G6PC1: variants seen among roughly 807,000 people sequenced by gnomAD.
G6PC1 encodes glucose-6-phosphatase catalytic subunit 1, also known as G-6-Pase.
In G6PC1, 23 loss-of-function variants were observed where a neutral mutation model predicts 30.4. The ratio of observed to expected loss-of-function variants is 0.76; its 90% CI spans 0.55 to 1.07. The LOEUF (loss-of-function observed/expected upper bound fraction) is 1.07, where lower values mean the gene tolerates loss of function less well. G6PC1 is among the 50% of genes least tolerant of loss of function. G6PC1 has a pLI of 0.00. For synonymous variants in G6PC1, 163 were observed against 175.6 expected (o/e 0.93, Z 0.57); for missense variants, 391 against 433.9 (o/e 0.90, Z 0.88).
chr17:42,903,071 G>T, intron 1 of G6PC1, among the ~76,000 whole-genome samples: 1 of 149,910 alleles, frequency 6.7e-6, no homozygotes, highest in African/African-American at 2.5e-5. Context: ...CCATTTTATG[G>T]ATTTCAGGAT....
In G6PC1 at chr17:42,910,895, T is replaced by C. The variant is rs773267957; in HGVS notation, c.563-20T>C. 6.8e-6 allele frequency: 11 copies of C among 1,613,638 alleles called. No homozygotes were observed. The highest frequency in any genetic ancestry group is 1.1e-5 in the South Asian group (1 of 91,082). On this transcript the variant is annotated intron_variant, in intron 4 of 4. Coordinates refer to ENST00000253801, the MANE Select transcript of G6PC1 (RefSeq NM_000151.4). ...CCCAAATCCTTCCTATCTCTCACAG[T>C]CATGCTTTCTTCCACTCAGGCATTG...
intron 3 of G6PC1, 72 bp from the exon 4 acceptor site, chr17:42,909,229 ATT>A (rs2056080749): frequency 2.6e-6 from 3 of 1,136,470 alleles, no homozygotes; most frequent in African/African-American, 3.0e-5. Context: ...AGGCTCCAAC[ATT>A]TCTGCAGGGG....
chr17:42,906,127 G>A (rs2056060965), intron 2 of G6PC1, among the ~76,000 whole-genome samples: 1 of 151,756 alleles, frequency 6.6e-6, no homozygotes, highest in Non-Finnish European at 1.5e-5. Context: ...AGGGAGGAAG[G>A]AAGGGAGAAA....
chr17:42,903,954 A>G lies in G6PC1; in HGVS notation c.254A>G (p.Tyr85Cys), dbSNP rs1022981580. The G allele has an allele frequency of 6.2e-7, 1 of 1,613,312 alleles. No individual in the cohort carries two copies. Among genetic ancestry groups the G allele is most frequent in the African/African-American group, 1.3e-5 (1 of 74,892 alleles). ...AGGATTCTCTTTGGACAGCGTCCAT[A>G]CTGGTGGGTTTTGGATACTGACTAC... The part of the protein sequence containing the change: ...FKWILFGQRP[Y>C]WWVLDTDYYS... The change falls in exon 2 of 5, where the codon TAC (tyrosine) becomes TGC (cysteine). Residue 85 changes from tyrosine (Y) to cysteine (C), a missense_variant. By Grantham distance (194) the Tyr-to-Cys change is radical (BLOSUM62 -2). Transcript: ENST00000253801.
intron 4 of G6PC1, 97 bp downstream of exon 4, chr17:42,909,515 G>A (rs1295691557): frequency 9.2e-6 from 8 of 871,794 alleles, no homozygotes; most frequent in Non-Finnish European, 1.6e-5. Flanking sequence ...CACATCCTGT[G>A]TGTAATCAGT....
At chr17:42,904,996 C>G (rs1360695035) in intron 2 of G6PC1, among the ~76,000 whole-genome samples, 2 of 151,832 alleles carry the variant, frequency 1.3e-5, no homozygotes, top group Non-Finnish European at 2.9e-5. Context: ...CCTGTAGTCT[C>G]AGCTACCTGG....
chr17:42,907,417 G>T (rs562114168), intron 2 of G6PC1, 106 bp from the exon 3 acceptor site: 3 of 745,878 alleles, frequency 4.0e-6, no homozygotes, highest in Admixed American at 2.0e-5. Flanking sequence ...TGGATGAATG[G>T]GTAGATGGGT....
chr17:42,904,282 T>G, intron 2 of G6PC1: 1 of 492,094 alleles, frequency 2.0e-6, no homozygotes, highest in East Asian at 4.0e-5. Context: ...GGCAAAGGGC[T>G]CGTGAGAGTC....
At chr17:42,907,450 C>A in intron 2 of G6PC1, 73 bp from the exon 3 acceptor site, 1 of 994,724 alleles carries the variant, frequency 1.0e-6, no homozygotes, top group Non-Finnish European at 1.6e-6. Context: ...GGCTGGGTGG[C>A]TGGGTAGATG....
intron 3 of G6PC1, 32 bp downstream of exon 3, chr17:42,907,660 G>T (rs771236645): frequency 1.4e-6 from 2 of 1,436,794 alleles, no homozygotes; most frequent in Non-Finnish European, 2.0e-6. Context: ...GTAGGTGGTG[G>T]AGGGCAGGAG....
At chr17:42,902,465 G>T (rs761049939) in intron 1 of G6PC1, among the ~76,000 whole-genome samples, 3 of 152,236 alleles carry the variant, frequency 2.0e-5, no homozygotes, top group Middle Eastern at 3.4e-3. Flanking sequence ...TGACTAGGCT[G>T]GTCTCGAACT....
At position 42,911,397 on chromosome 17, in the gene G6PC1, C is replaced by G. The variant is rs1357472580; in HGVS notation, c.1045C>G (p.Leu349Val). The G allele has an allele frequency of 1.2e-6, 2 of 1,614,202 alleles. No homozygotes were observed. Among genetic ancestry groups the G allele is most frequent in the East Asian group, 4.5e-5 (2 of 44,890 alleles). The change falls in exon 5 of 5, where the codon CTG becomes GTG. Residue 349 changes from leucine to valine, a missense_variant. Physicochemically the swap from Leu to Val is conservative, Grantham distance 32 (BLOSUM62 1). Coordinates refer to ENST00000253801, the MANE Select transcript of G6PC1 (RefSeq NM_000151.4). ...CATCCCCTACTGCCTCGCCCAGGTC[C>G]TGGGCCAGCCGCACAAGAAGTCGTT... ...SVIPYCLAQV[L>V]GQPHKKSL
At chr17:42,902,140 C>G (rs1016803856) in intron 1 of G6PC1, among the ~76,000 whole-genome samples, 1 of 152,126 alleles carries the variant, frequency 6.6e-6, no homozygotes, top group African/African-American at 2.4e-5. Flanking sequence ...TATGTTACGT[C>G]CAGTGCTGAT....
intron 2 of G6PC1, among the ~76,000 whole-genome samples, chr17:42,905,441 T>TACAC (rs1475508893): frequency 1.5e-4 from 16 of 103,286 alleles, no homozygotes; most frequent in African/African-American, 5.0e-4. Flanking sequence ...TATATATATA[T>TACAC]ATACACACAC....
In G6PC1 at chr17:42,911,763, T is replaced by G. The variant is rs2056098216; in HGVS notation, c.*337T>G. On this transcript the variant is annotated 3_prime_UTR_variant, in exon 5 of 5. Transcript: ENST00000253801. The stretch of plus-strand genomic sequence containing the variant: ...AACAGCCCATTTTATCTTTGAATGG[T>G]CTTCTGCCAGCCCATTTTGAGGCCA... 1 of 379,336 alleles carries G rather than the reference T, an allele frequency of 2.6e-6. No individual in the cohort carries two copies. Among genetic ancestry groups the G allele is most frequent in the African/African-American group, 2.1e-5 (1 of 48,456 alleles). The allele number at this position is 379,336 out of a possible 1,614,324, so 23.5% of individuals were successfully genotyped here. A position where few individuals can be genotyped will look rare whatever the true frequency, so the allele number is the denominator to read the frequency against.
chr17:42,902,519 G>T (rs1265213820), intron 1 of G6PC1, among the ~76,000 whole-genome samples: 1 of 152,128 alleles, frequency 6.6e-6, no homozygotes, highest in Non-Finnish European at 1.5e-5. Flanking sequence ...TAAGTGCTAG[G>T]ATTACAGGCG....
rs1407981466 is a variant in G6PC1, at chr17:42,913,982, G to C, written c.*2556G>C. ...CGCTATTTCACACCTGAACTCCGGA[G>C]TCTGTATATTCAGGGAAGATTGCAT... On this transcript the variant is annotated 3_prime_UTR_variant, in exon 5 of 5. Transcript: ENST00000253801. Among the ~76,000 whole-genome samples, 1 of 152,182 alleles carries C rather than the reference G, an allele frequency of 6.6e-6. No individual in the cohort carries two copies. The highest frequency in any genetic ancestry group is 1.5e-5 in the Non-Finnish European group (1 of 68,042).
In G6PC1 at chr17:42,905,443, T is replaced by TACACACAC. The variant is rs748185736; in HGVS notation, c.340+1429_340+1436dup. On this transcript the variant is annotated intron_variant, in intron 2 of 4. Transcript: ENST00000253801. Reference sequence around the variant, plus strand: ...AAAAAAAAAAAAATATATATATATATACACACACACACACACACACACACA... The same window carrying TACACACAC: ...AAAAAAAAAAAAATATATATATATATACACACACACACACACACACACACACACACACA... Among the ~76,000 whole-genome samples the TACACACAC allele has an allele frequency of 3.2e-3, 285 of 87,922 alleles. 4 individuals carry two copies. Among genetic ancestry groups the TACACACAC allele is most frequent in the African/African-American group, 0.015 (266 of 17,972 alleles). The allele number at this position is 87,922 out of a possible 152,430, so 57.7% of individuals were successfully genotyped here. A position where few individuals can be genotyped will look rare whatever the true frequency, so the allele number is the denominator to read the frequency against.
intron 1 of G6PC1, 24 bp from the exon 2 acceptor site, chr17:42,903,907 G>T: frequency 2.0e-6 from 3 of 1,511,578 alleles, no homozygotes; most frequent in Non-Finnish European, 9.2e-7. Context: ...AGTAACCCCA[G>T]AAACTTGTTC....
Sources: allele counts gnomAD v4.1 joint callset (sites outside exome capture counted in the v4.1 genomes callset), GRCh38; gene constraint gnomAD v4.1.1; transcripts MANE v1.5; gene names NCBI Gene and HGNC (gene_info 2026-07-23, HGNC 2026-07-21).